The following KIAA1549 variants were observed in gnomAD, a reference collection of about 807,000 sequenced individuals.
The protein encoded by KIAA1549 is KIAA1549.
Under a neutral mutation model 156.4 loss-of-function variants are expected in KIAA1549, and 70 were observed. The ratio of observed to expected loss-of-function variants is 0.45; its 90% CI spans 0.37 to 0.55. The LOEUF (loss-of-function observed/expected upper bound fraction) is 0.55, where lower values mean the gene tolerates loss of function less well. KIAA1549 is among the 20% of genes least tolerant of loss of function. The pLI, the probability that KIAA1549 is intolerant of heterozygous loss-of-function variation, is 0.00. For missense variants in KIAA1549, 2,428 were observed against 2,540.9 expected (o/e 0.96, Z 0.96); for synonymous variants, 1,103 against 1,066.4 (o/e 1.03, Z -0.67).
rs746657582 is a variant in KIAA1549, at chr7:138,918,827, G to A, written c.799C>T (p.Pro267Ser). ...TCTGTTAGGGAAGCCACAATCTCTGGCAGAGTCCTGCTTGATAAATGACTG... is the reference window on the plus strand; with the variant it reads ...TCTGTTAGGGAAGCCACAATCTCTGACAGAGTCCTGCTTGATAAATGACTG... Reference protein sequence around the residue: ...AYSHLSSRTLPEIVASLTEGV... With the variant: ...AYSHLSSRTLSEIVASLTEGV... Residue 267 changes from proline to serine, a missense_variant, in exon 2 of 20, where the codon CCA becomes TCA. Transcript: ENST00000422774. The surrounding 1 kb of genome is among the most constrained non-coding windows in gnomAD (Gnocchi z 4.2). The A allele has an allele frequency of 6.2e-6, 10 of 1,613,998 alleles. No homozygotes were observed. In the South Asian group the frequency reaches 9.9e-5, roughly 16 times the overall value.
At position 138,917,120 on chromosome 7, in the gene KIAA1549, T is replaced by C. The variant is rs1462499474; in HGVS notation, c.2506A>G (p.Thr836Ala). 1 of 1,612,892 alleles carries C rather than the reference T, an allele frequency of 6.2e-7. No homozygotes were observed. Among genetic ancestry groups the C allele is most frequent in the Non-Finnish European group, 8.5e-7 (1 of 1,179,454 alleles). ...ASFSKAIPTG[T>A]VLITDAYLPS... ...AGGTACGCGTCAGTGATCAACACCG[T>C]ACCAGTGGGAATGGCTTTGGAGAAA... The change falls in exon 2 of 20, where the codon ACG becomes GCG. Residue 836 changes from threonine (T) to alanine (A), a missense_variant. Transcript: ENST00000422774.
intron 2 of KIAA1549, among the ~76,000 whole-genome samples, chr7:138,916,039 C>T (rs948248489): frequency 6.6e-6 from 1 of 152,232 alleles, no homozygotes; most frequent in African/African-American, 2.4e-5. Context: ...AGACCAAAGG[C>T]TGATACTGGA....
intron 16 of KIAA1549, among the ~76,000 whole-genome samples, chr7:138,860,834 C>T (rs932224732): frequency 6.7e-6 from 1 of 149,932 alleles, no homozygotes; most frequent in Non-Finnish European, 1.5e-5. Flanking sequence ...CATTCCGTGA[C>T]ACTGTTTTGA....
intron 1 of KIAA1549, among the ~76,000 whole-genome samples, chr7:138,922,616 A>G (rs1199805932): frequency 6.6e-6 from 1 of 152,032 alleles, no homozygotes. Flanking sequence ...TAGAAATAAA[A>G]ATTTTATAAT....
intron 1 of KIAA1549, among the ~76,000 whole-genome samples, chr7:138,955,599 T>C (rs978943258): frequency 1.3e-5 from 2 of 152,176 alleles, no homozygotes; most frequent in Non-Finnish European, 2.9e-5. Flanking sequence ...TGAAAATGTT[T>C]ACAATATAAT....
intron 19 of KIAA1549, among the ~76,000 whole-genome samples, chr7:138,838,785 TGAC>T (rs1424625095): frequency 3.3e-5 from 5 of 152,316 alleles, no homozygotes; most frequent in Non-Finnish European, 7.3e-5. Context: ...GAGCCAAACA[TGAC>T]ATTCCAGCTC....
At chr7:138,861,919 G>A (rs969252597) in intron 15 of KIAA1549, among the ~76,000 whole-genome samples, 11 of 152,062 alleles carry the variant, frequency 7.2e-5, no homozygotes, top group East Asian at 3.9e-4. Context: ...CATTTCATGC[G>A]AAGGAGAGGG....
Position 138,911,759 on chromosome 7 carries a change from C to T in KIAA1549, c.2968-436G>A, listed in dbSNP as rs35478920. The stretch of plus-strand genomic sequence containing the variant: ...ATATCATTTCAACATGAAGTCAATA[C>T]AAAACACTATTAATGAGATATTCTA... On this transcript the variant is annotated intron_variant, in intron 3 of 19. Transcript: ENST00000422774. Among the ~76,000 whole-genome samples, 343 of 152,244 alleles carry T rather than the reference C, an allele frequency of 2.3e-3. 2 individuals are homozygous for T. The highest frequency in any genetic ancestry group is 3.8e-3 in the Non-Finnish European group (261 of 68,006).
At chr7:138,945,234 G>T (rs1041709145) in intron 1 of KIAA1549, among the ~76,000 whole-genome samples, 1 of 152,106 alleles carries the variant, frequency 6.6e-6, no homozygotes, top group African/African-American at 2.4e-5. Flanking sequence ...ACTCTCTGAG[G>T]GGGTGAGGCC....
In KIAA1549 at chr7:138,973,032, G is replaced by T. The variant is rs182662133; in HGVS notation, c.187+8051C>A. ...TGGCGGGTTTTCACCATGTTGGCCA[G>T]GCTGGTCTCAAACTCCTAACCTCAA... On this transcript the variant is annotated intron_variant, in intron 1 of 19. Coordinates refer to ENST00000422774, the MANE Select transcript of KIAA1549 (RefSeq NM_001164665.2). Among the ~76,000 whole-genome samples the T allele has an allele frequency of 2.0e-3, 304 of 152,206 alleles. 2 individuals are homozygous for T. Among genetic ancestry groups the T allele is most frequent in the African/African-American group, 6.8e-3 (284 of 41,532 alleles).
At position 138,962,534 on chromosome 7, in the gene KIAA1549, G is replaced by A. The variant is rs560079413; in HGVS notation, c.187+18549C>T. On this transcript the variant is annotated intron_variant, in intron 1 of 19. Coordinates refer to ENST00000422774, the MANE Select transcript of KIAA1549 (RefSeq NM_001164665.2). ...TGCTTCATTCCCCTTAGAAGCCAGC[G>A]GCCCCATATGAAGTCCTACTATAAG... is the stretch of plus-strand genomic sequence containing the variant. 6.8e-4 allele frequency among the ~76,000 whole-genome samples: 103 copies of A among 152,220 alleles called. 1 individual carries two copies. In the South Asian group the frequency reaches 0.019, roughly 28 times the overall value.
chr7:138,840,159 C>T lies in KIAA1549; in HGVS notation c.5572G>A (p.Glu1858Lys), dbSNP rs2130324591. The change falls in exon 19 of 20, where the codon GAG becomes AAG. Residue 1858 changes from glutamate to lysine, a missense_variant. Transcript: ENST00000422774. ...GCCTCTCTTCGCCCCGCTTCGTCCT[C>T]CCCGTACGAAGGCCAGCCTGGCCCC... ...YGGPGWPSYGEDEAGRREATH... is the reference protein window; with the variant it reads ...YGGPGWPSYGKDEAGRREATH... The T allele has an allele frequency of 2.6e-6, 4 of 1,554,500 alleles. No individual in the cohort carries two copies. The highest frequency in any genetic ancestry group is 3.5e-6 in the Non-Finnish European group (4 of 1,148,470).
rs1365958200 is a variant in KIAA1549, at chr7:138,919,368, C to A, written c.258G>T (p.Gly86=). The change falls in exon 2 of 20, where the codon GGG becomes GGT. Residue 86 remains glycine, a synonymous_variant. Transcript: ENST00000422774. The part of the protein sequence containing the change: ...SMELVLKKST[G]HSAAQVALTE... ...TTAAGGCCACTTGTGCAGCGCTGTGCCCAGTGCTTTTCTTCAGCACGAGCT... is the reference window on the plus strand; with the variant it reads ...TTAAGGCCACTTGTGCAGCGCTGTGACCAGTGCTTTTCTTCAGCACGAGCT... 7.4e-6 allele frequency: 12 copies of A among 1,613,850 alleles called. No individual in the cohort carries two copies. The highest frequency in any genetic ancestry group is 1.0e-5 in the Non-Finnish European group (12 of 1,179,896).
chr7:138,956,379 G>A lies in KIAA1549; in HGVS notation c.187+24704C>T, dbSNP rs980419510. Reference sequence around the variant, plus strand: ...GCTTACAAATCCAGGGAGAAGCCACGGTACTGAATTCACCAAGTGATATGG... The same window carrying A: ...GCTTACAAATCCAGGGAGAAGCCACAGTACTGAATTCACCAAGTGATATGG... On this transcript the variant is annotated intron_variant, in intron 1 of 19. Coordinates refer to ENST00000422774, the MANE Select transcript of KIAA1549 (RefSeq NM_001164665.2). Among the ~76,000 whole-genome samples the A allele has an allele frequency of 5.5e-4, 83 of 152,252 alleles. 1 individual carries two copies. Among genetic ancestry groups the A allele is most frequent in the African/African-American group, 1.9e-3 (79 of 41,558 alleles).
intron 1 of KIAA1549, among the ~76,000 whole-genome samples, chr7:138,942,389 C>T (rs1003480067): frequency 3.3e-5 from 5 of 151,310 alleles, no homozygotes; most frequent in Non-Finnish European, 4.4e-5. Flanking sequence ...AAGAGCAATA[C>T]GGTGAAAATA....
At chr7:138,959,345 A>G (rs1286624257) in intron 1 of KIAA1549, among the ~76,000 whole-genome samples, 1 of 152,202 alleles carries the variant, frequency 6.6e-6, no homozygotes, top group Non-Finnish European at 1.5e-5. Context: ...ATATTCATGC[A>G]TCCATCTCTC....
intron 1 of KIAA1549, among the ~76,000 whole-genome samples, chr7:138,936,545 C>T (rs1421316226): frequency 6.6e-6 from 1 of 152,160 alleles, no homozygotes; most frequent in Non-Finnish European, 1.5e-5. Context: ...CCTGCTTCTT[C>T]GCTCACTCTG....
intron 15 of KIAA1549, among the ~76,000 whole-genome samples, chr7:138,862,051 C>CA (rs1268093854): frequency 5.3e-5 from 8 of 151,974 alleles, no homozygotes; most frequent in African/African-American, 1.2e-4. Flanking sequence ...CCTAAACAGC[C>CA]AAAAATCATA....
At chr7:138,909,189 G>C in intron 4 of KIAA1549, 68 bp from the exon 5 acceptor site, 1 of 1,507,802 alleles carries the variant, frequency 6.6e-7, no homozygotes, top group African/African-American at 1.4e-5. Context: ...AAGGAATCAA[G>C]AGAGAGAAAC....
Sources: gnomAD v4.1 joint callset for allele counts (sites outside exome capture counted in the v4.1 genomes callset) on GRCh38, gnomAD v4.1.1 for gene constraint, Gnocchi (gnomAD v3.1) non-coding constraint, MANE v1.5 for transcripts, NCBI Gene and HGNC (gene_info 2026-07-23, HGNC 2026-07-21) for gene names.